The following SND1 variants were observed in gnomAD, a reference collection of about 807,000 sequenced individuals.
The protein encoded by SND1 is staphylococcal nuclease domain-containing protein 1.
In SND1, 38 loss-of-function variants were observed where a neutral mutation model predicts 121.7. The ratio of observed to expected loss-of-function variants is 0.31; its 90% confidence interval spans 0.24 to 0.41. SND1 has a LOEUF of 0.41. Among genes scored for constraint, SND1 ranks in the 10% least tolerant of loss-of-function variants. The pLI, the probability that SND1 is intolerant of heterozygous loss-of-function variation, is 1.00. For missense variants in SND1, 868 were observed against 1,184.6 expected (o/e 0.73, Z 3.92); for synonymous variants, 401 against 447.4 (o/e 0.90, Z 1.31).
At chr7:128,001,946 A>G (rs1802843342) in intron 16 of SND1, among the ~76,000 whole-genome samples, 1 of 152,218 alleles carries the variant, frequency 6.6e-6, no homozygotes, top group Non-Finnish European at 1.5e-5. Context: ...ACAAAAAAAA[A>G]TAAAAGAAAT....
At chr7:127,977,468 G>T (rs773144250) in intron 15 of SND1, among the ~76,000 whole-genome samples, 17 of 152,222 alleles carry the variant, frequency 1.1e-4, no homozygotes, top group Admixed American at 2.6e-4. Flanking sequence ...TAGGATGTCA[G>T]ATTGTGGAGT....
intron 12 of SND1, among the ~76,000 whole-genome samples, chr7:127,855,722 C>T (rs1799261871): frequency 6.6e-6 from 1 of 152,168 alleles, no homozygotes; most frequent in Non-Finnish European, 1.5e-5. Context: ...TTTCTTCCAT[C>T]TTTCTCTGTC....
chr7:127,894,009 G>T (rs1295662683), intron 13 of SND1, among the ~76,000 whole-genome samples: 1 of 152,046 alleles, frequency 6.6e-6, no homozygotes, highest in Admixed American at 6.6e-5. Flanking sequence ...TTAGGCTTCT[G>T]TGTTTGAACC....
At position 127,707,498 on chromosome 7, in the gene SND1, G is replaced by A. The variant is rs1796221700; in HGVS notation, c.948-59G>A. 10 of 1,365,330 alleles carry A rather than the reference G, an allele frequency of 7.3e-6. No individual in the cohort carries two copies. The South Asian group carries it at 1.2e-4, about 16-fold the overall frequency. The allele number at this position is 1,365,330 out of a possible 1,614,324, so 84.6% of individuals were successfully genotyped here. A position where few individuals can be genotyped will look rare whatever the true frequency, so the allele number is the denominator to read the frequency against. Reference sequence around the variant, plus strand: ...ATGCTGCACCAACTGTGCTCCCATGGTAGTGGTGGATTCCATTTGCTGAGT... The same window carrying A: ...ATGCTGCACCAACTGTGCTCCCATGATAGTGGTGGATTCCATTTGCTGAGT... On this transcript the variant is annotated intron_variant, in intron 8 of 23. Transcript: ENST00000354725.
intron 1 of SND1, among the ~76,000 whole-genome samples, chr7:127,682,033 A>G (rs1327745684): frequency 6.6e-6 from 1 of 152,216 alleles, no homozygotes; most frequent in African/African-American, 2.4e-5. Flanking sequence ...CTTCATTGAC[A>G]TACAAATTTC....
chr7:127,712,078 T>G (rs2116365818), intron 9 of SND1, among the ~76,000 whole-genome samples: 1 of 152,220 alleles, frequency 6.6e-6, no homozygotes, highest in African/African-American at 2.4e-5. Flanking sequence ...TGAGTCTTGG[T>G]TTTCTGTCTT....
At chr7:128,080,438 G>A (rs1464031559) in intron 17 of SND1, among the ~76,000 whole-genome samples, 1 of 152,286 alleles carries the variant, frequency 6.6e-6, no homozygotes, top group Non-Finnish European at 1.5e-5. Flanking sequence ...TGAGGTCAGA[G>A]CAACCTGCTG....
chr7:128,078,555 AG>A (rs528477446), intron 17 of SND1, among the ~76,000 whole-genome samples: 2 of 152,196 alleles, frequency 1.3e-5, no homozygotes, highest in Non-Finnish European at 2.9e-5. Flanking sequence ...CTGGGGGCTG[AG>A]GGCCATCCCC....
At chr7:127,889,132 C>T (rs187632566) in intron 13 of SND1, among the ~76,000 whole-genome samples, 6 of 152,126 alleles carry the variant, frequency 3.9e-5, no homozygotes, top group Non-Finnish European at 8.8e-5. Context: ...CTGTTGAGGA[C>T]CTCATTCTTA....
intron 3 of SND1, among the ~76,000 whole-genome samples, chr7:127,696,602 C>A (rs1296095851): frequency 6.6e-6 from 1 of 152,220 alleles, no homozygotes; most frequent in Non-Finnish European, 1.5e-5. Flanking sequence ...TGTTACCCCA[C>A]AAGAGACCTT....
intron 11 of SND1, among the ~76,000 whole-genome samples, chr7:127,811,653 G>A (rs374580696): frequency 6.6e-5 from 10 of 151,882 alleles, no homozygotes; most frequent in South Asian, 2.1e-4. Flanking sequence ...CTACCTCCTC[G>A]TATCAGTAAT....
intron 10 of SND1, among the ~76,000 whole-genome samples, chr7:127,806,549 A>G (rs1798242432): frequency 6.6e-6 from 1 of 152,178 alleles, no homozygotes; most frequent in Non-Finnish European, 1.5e-5. Context: ...CTGCAAACTC[A>G]TATTAAATCT....
At chr7:127,977,079 G>A (rs530908172) in intron 15 of SND1, among the ~76,000 whole-genome samples, 5 of 152,216 alleles carry the variant, frequency 3.3e-5, no homozygotes, top group East Asian at 1.9e-4. Flanking sequence ...CCCCTCCCCC[G>A]TTTATCCAAC....
At chr7:128,088,098 A>C (rs1003262379) in intron 21 of SND1, among the ~76,000 whole-genome samples, 1 of 152,198 alleles carries the variant, frequency 6.6e-6, no homozygotes, top group Non-Finnish European at 1.5e-5. Flanking sequence ...GCTGAAGGTC[A>C]GGAGAGATGC....
chr7:127,754,131 G>C (rs1797151740), intron 10 of SND1, among the ~76,000 whole-genome samples: 1 of 152,206 alleles, frequency 6.6e-6, no homozygotes, highest in Non-Finnish European at 1.5e-5. Context: ...GTGTCATTTT[G>C]TGTCACAGTA....
intron 15 of SND1, among the ~76,000 whole-genome samples, chr7:127,933,806 C>G (rs1436856298): frequency 6.6e-6 from 1 of 152,080 alleles, no homozygotes; most frequent in Non-Finnish European, 1.5e-5. Context: ...TGTGACCTAC[C>G]CATTACTGGA....
Position 127,652,536 on chromosome 7 carries a change from C to T in SND1, c.78+85C>T, listed in dbSNP as rs912998313. 7 of 1,138,676 alleles carry T rather than the reference C, an allele frequency of 6.1e-6. No homozygotes were observed. The Admixed American group carries it at 1.4e-4, about 23-fold the overall frequency. The allele number at this position is 1,138,676 out of a possible 1,614,324, so 70.5% of individuals were successfully genotyped here. ...GACTCCACCTTCCGCCAGCCTGCTC[C>T]ATGTCCCAGATCCCCTTTCCTCTGC... On this transcript the variant is annotated intron_variant, in intron 1 of 23. Coordinates refer to ENST00000354725, the MANE Select transcript of SND1 (RefSeq NM_014390.4).
intron 12 of SND1, among the ~76,000 whole-genome samples, chr7:127,882,424 A>AGGAGGGGAGG (rs1303472797): frequency 1.9e-5 from 1 of 52,600 alleles, no homozygotes; most frequent in Non-Finnish European, 3.5e-5. Flanking sequence ...AAAAGAGGAG[A>AGGAGGGGAGG]GGAGGGGAGG....
chr7:127,706,251 C>T (rs1261808436), intron 8 of SND1, among the ~76,000 whole-genome samples: 1 of 58,378 alleles, frequency 1.7e-5, no homozygotes, highest in East Asian at 6.4e-4. Context: ...CTTGCCCCCC[C>T]TCCCCCCCCC....
Sources: allele counts gnomAD v4.1 joint callset (sites outside exome capture counted in the v4.1 genomes callset), GRCh38; gene constraint gnomAD v4.1.1; transcripts MANE v1.5; gene names NCBI Gene and HGNC (gene_info 2026-07-23, HGNC 2026-07-21).